FRMPD1: variants seen among roughly 807,000 people sequenced by gnomAD.
The protein encoded by FRMPD1 is FERM and PDZ domain-containing protein 1.
Under a neutral mutation model 117.8 loss-of-function variants are expected in FRMPD1, and 76 were observed. The ratio of observed to expected loss-of-function variants is 0.65; its 90% CI spans 0.54 to 0.78. FRMPD1 has a LOEUF of 0.78. FRMPD1 is among the 30% of genes least tolerant of loss of function. The pLI is 0.00. For missense variants in FRMPD1, 1,786 were observed against 1,964.5 expected, an observed-to-expected ratio of 0.91 and a Z score of 1.72; for synonymous variants, 783 against 770.4, an observed-to-expected ratio of 1.02 and a Z score of -0.27.
chr9:37,653,763 TG>T (rs528646742), intron 1 of FRMPD1, among the ~76,000 whole-genome samples: 10 of 151,920 alleles, frequency 6.6e-5, no homozygotes, highest in South Asian at 6.3e-4. Flanking sequence ...GGATACAACC[TG>T]GGTAGCATAG....
rs543131322 is a variant in FRMPD1, at chr9:37,710,404, C to T, written c.363-946C>T. On this transcript the variant is annotated intron_variant, in intron 4 of 15. Transcript: ENST00000377765. The stretch of plus-strand genomic sequence containing the variant: ...TATGATCGATTTTCTCTGTTCTGGC[C>T]GCTAATATAAAGTAGAGGTCAAGCA... 2.6e-5 allele frequency among the ~76,000 whole-genome samples: 4 copies of T among 152,220 alleles called. No homozygotes were observed. The South Asian group carries it at 6.2e-4, about 24-fold the overall frequency.
At chr9:37,636,532 C>A in the FRMPD1 span, among the ~76,000 whole-genome samples, 4 of 152,116 alleles carry the variant, frequency 2.6e-5, no homozygotes, top group Non-Finnish European at 5.9e-5. Flanking sequence ...CGGCTCGGGG[C>A]AGCAGGCAGA....
At chr9:37,607,762 T>C in the FRMPD1 span, among the ~76,000 whole-genome samples, 1 of 152,194 alleles carries the variant, frequency 6.6e-6, no homozygotes, top group Admixed American at 6.5e-5. Flanking sequence ...CAAAGAGATG[T>C]GAAAATAATG....
intron 1 of FRMPD1, among the ~76,000 whole-genome samples, chr9:37,656,567 G>A (rs1820849789): frequency 6.6e-6 from 1 of 152,112 alleles, no homozygotes; most frequent in African/African-American, 2.4e-5. Context: ...AGCTATTGTA[G>A]TTGTACTTTT....
At chr9:37,637,344 C>T in the FRMPD1 span, 2 of 883,620 alleles carry the variant, frequency 2.3e-6, no homozygotes, top group South Asian at 1.3e-5. Context: ...TGCTCCGCCT[C>T]CCGTTCCAAG....
chr9:37,677,073 T>G (rs1821555909), intron 1 of FRMPD1, among the ~76,000 whole-genome samples: 1 of 151,988 alleles, frequency 6.6e-6, no homozygotes, highest in African/African-American at 2.4e-5. Flanking sequence ...TAAAGTAGAG[T>G]CTAGAGTCCA....
intron 1 of FRMPD1, among the ~76,000 whole-genome samples, chr9:37,681,702 CATCTT>C (rs772114167): frequency 6.6e-6 from 1 of 152,190 alleles, no homozygotes; most frequent in African/African-American, 2.4e-5. Flanking sequence ...CTGGGGTTCT[CATCTT>C]AGCATAGCAT....
chr9:37,731,552 T>C (rs189286203), intron 9 of FRMPD1, among the ~76,000 whole-genome samples: 2 of 152,304 alleles, frequency 1.3e-5, no homozygotes, highest in Admixed American at 6.5e-5. Context: ...ATGAGAGTTA[T>C]GATGCCATTT....
rs771936942 is a variant in FRMPD1 at position 37,740,466 on chromosome 9, G to A, written c.1938G>A (p.Glu646=). 6.2e-7 allele frequency: 1 copy of A among 1,614,228 alleles called. No individual in the cohort carries two copies. The highest frequency in any genetic ancestry group is 8.5e-7 in the Non-Finnish European group (1 of 1,180,040). Residue 646 remains glutamate (E), a synonymous_variant, in exon 15 of 16, where the codon GAG becomes GAA. Coordinates refer to ENST00000377765, the MANE Select transcript of FRMPD1 (RefSeq NM_014907.3). The surrounding 1 kb of genome is among the most constrained non-coding windows in gnomAD (Gnocchi z 4.2). ...AESIDSDSQE[E]RSGIETSGFL... is the part of the protein sequence containing the mutation. Reference sequence around the variant, plus strand: ...GCATTGACTCTGACAGCCAGGAGGAGAGAAGCGGGATTGAAACCAGTGGCT... The same window carrying A: ...GCATTGACTCTGACAGCCAGGAGGAAAGAAGCGGGATTGAAACCAGTGGCT...
intron 1 of FRMPD1, among the ~76,000 whole-genome samples, chr9:37,689,027 C>T (rs1017265046): frequency 6.6e-6 from 1 of 152,004 alleles, no homozygotes; most frequent in Non-Finnish European, 1.5e-5. Flanking sequence ...TGCCCCACTC[C>T]TCCTCACCCT....
At chr9:37,683,841 G>A (rs1821822154) in intron 1 of FRMPD1, among the ~76,000 whole-genome samples, 1 of 144,182 alleles carries the variant, frequency 6.9e-6, no homozygotes, top group Non-Finnish European at 1.5e-5. Flanking sequence ...AGAGTGTTGT[G>A]TGGGGGAGAT....
At position 37,740,701 on chromosome 9, in the gene FRMPD1, A is replaced by G; in HGVS notation, c.2173A>G (p.Ser725Gly). 4 of 1,614,108 alleles carry G rather than the reference A, an allele frequency of 2.5e-6. No homozygotes were observed. Among genetic ancestry groups the G allele is most frequent in the Non-Finnish European group, 3.4e-6 (4 of 1,179,998 alleles). ...PASYLSDSSE[S>G]TASRQGGAPP... ...CAGCTACCTGAGTGACAGTTCCGAG[A>G]GTACAGCTTCCCGGCAAGGGGGAGC... The change falls in exon 15 of 16, where the codon AGT becomes GGT. Residue 725 changes from serine (S) to glycine (G), a missense_variant. Transcript: ENST00000377765. The surrounding 1 kb of genome is among the most constrained non-coding windows in gnomAD (Gnocchi z 4.2).
the FRMPD1 span, among the ~76,000 whole-genome samples, chr9:37,614,338 A>G: frequency 6.6e-6 from 1 of 152,362 alleles, no homozygotes; most frequent in African/African-American, 2.4e-5. Context: ...ATGGGAAATA[A>G]CATGGGGAAG....
upstream of FRMPD1, among the ~76,000 whole-genome samples, chr9:37,650,289 A>G (rs544226878): frequency 2.0e-5 from 3 of 152,250 alleles, no homozygotes; most frequent in East Asian, 5.8e-4. Flanking sequence ...AGGGGGTCAG[A>G]AAAGGGCTGA....
chr9:37,630,231 AC>A, the FRMPD1 span, among the ~76,000 whole-genome samples: 2 of 152,098 alleles, frequency 1.3e-5, no homozygotes, highest in East Asian at 1.9e-4. Context: ...TAAGAAGCAC[AC>A]CTTTTTAACC....
intron 1 of FRMPD1, chr9:37,670,077 C>T (rs781511541): frequency 1.3e-5 from 2 of 151,978 alleles, no homozygotes; most frequent in Non-Finnish European, 2.9e-5. Context: ...AACGTCTCAA[C>T]CACTGAGGTA....
the FRMPD1 span, among the ~76,000 whole-genome samples, chr9:37,626,693 G>T: frequency 6.7e-6 from 1 of 148,388 alleles, no homozygotes; most frequent in Non-Finnish European, 1.5e-5. Flanking sequence ...GGATGCTGAG[G>T]TGAGAGGATC....
chr9:37,630,483 C>T, the FRMPD1 span, among the ~76,000 whole-genome samples: 2 of 152,080 alleles, frequency 1.3e-5, no homozygotes, highest in African/African-American at 2.4e-5. Context: ...CTGGTTCAAG[C>T]GATTCTCCTG....
chr9:37,637,623 A>T, the FRMPD1 span, among the ~76,000 whole-genome samples: 1 of 152,214 alleles, frequency 6.6e-6, no homozygotes, highest in Non-Finnish European at 1.5e-5. Flanking sequence ...ATCATAGAGT[A>T]TGTAGCTTTT....
Sources: allele counts gnomAD v4.1 joint callset (sites outside exome capture counted in the v4.1 genomes callset), GRCh38; gene constraint gnomAD v4.1.1; non-coding constraint Gnocchi (gnomAD v3.1); transcripts MANE v1.5; gene names NCBI Gene and HGNC (gene_info 2026-07-23, HGNC 2026-07-21).